Variants in ZFPM2 observed in about 807,000 individuals in gnomAD.
ZFPM2 encodes the protein zinc finger protein, FOG family member 2.
A neutral mutation model predicts 98.6 loss-of-function variants in ZFPM2; 20 were observed. That is an observed-to-expected ratio of 0.20 (90% CI 0.14 to 0.29). ZFPM2 has a LOEUF of 0.29. Ranked by LOEUF, ZFPM2 falls within the 10% of genes least tolerant of loss-of-function variation. ZFPM2 has a pLI of 1.00. For missense variants in ZFPM2, 1,310 were observed against 1,388.6 expected, an observed-to-expected ratio of 0.94 and a Z score of 0.90; for synonymous variants, 518 against 502.7, an observed-to-expected ratio of 1.03 and a Z score of -0.41.
At chr8:105,502,934 A>G (rs1586420748) in intron 3 of ZFPM2, among the ~76,000 whole-genome samples, 1 of 152,162 alleles carries the variant, frequency 6.6e-6, no homozygotes, top group Admixed American at 6.6e-5. Context: ...CATTAATAAG[A>G]CCAGTTATGT....
At chr8:105,765,537 T>G (rs1429968748) in intron 5 of ZFPM2, among the ~76,000 whole-genome samples, 1 of 151,832 alleles carries the variant, frequency 6.6e-6, no homozygotes, top group African/African-American at 2.4e-5. Context: ...CTAATGAAGC[T>G]TGTATGAATA....
At chr8:105,658,311 G>A (rs62525678) in intron 5 of ZFPM2, among the ~76,000 whole-genome samples, 30,336 of 63,826 alleles carry the variant, frequency 0.48, 10,567 homozygotes, top group Middle Eastern at 0.58. Context: ...GCAGACGGCC[G>A]GGCGCGGTGG....
intron 3 of ZFPM2, among the ~76,000 whole-genome samples, chr8:105,496,823 A>G (rs905848833): frequency 5.4e-4 from 81 of 149,540 alleles, no homozygotes; most frequent in African/African-American, 1.8e-3. Flanking sequence ...TCTCTACTAA[A>G]AATACAAAAT....
intron 1 of ZFPM2, among the ~76,000 whole-genome samples, chr8:105,339,328 G>A (rs967273028): frequency 3.3e-5 from 5 of 151,572 alleles, no homozygotes; most frequent in African/African-American, 1.2e-4. Flanking sequence ...AACACCAATA[G>A]CATGAAAAAT....
intron 3 of ZFPM2, among the ~76,000 whole-genome samples, chr8:105,472,993 A>C (rs6999472): frequency 0.02 from 3,048 of 151,076 alleles, 105 homozygotes; most frequent in African/African-American, 0.07. Flanking sequence ...ACCCTGGGCT[A>C]ATGTGATCTT....
chr8:105,442,150 G>A (rs374830929), intron 2 of ZFPM2, among the ~76,000 whole-genome samples: 8 of 150,998 alleles, frequency 5.3e-5, no homozygotes, highest in African/African-American at 7.3e-5. Context: ...TGGCTAACAC[G>A]GTGAAACCCC....
intron 1 of ZFPM2, among the ~76,000 whole-genome samples, chr8:105,346,134 C>G (rs1008822490): frequency 6.6e-6 from 1 of 152,056 alleles, no homozygotes; most frequent in African/African-American, 2.4e-5. Context: ...ACCTGTAATT[C>G]CAGCACTTTG....
chr8:105,480,982 C>T (rs1813104825), intron 3 of ZFPM2, among the ~76,000 whole-genome samples: 1 of 152,188 alleles, frequency 6.6e-6, no homozygotes, highest in South Asian at 2.1e-4. Context: ...GAACTCCTGA[C>T]CACGTGATCC....
At chr8:105,372,157 C>T (rs1810636758) in intron 1 of ZFPM2, among the ~76,000 whole-genome samples, 1 of 152,000 alleles carries the variant, frequency 6.6e-6, no homozygotes. Context: ...ATTCTCCTGC[C>T]TCAGCCTCCC....
intron 1 of ZFPM2, among the ~76,000 whole-genome samples, chr8:105,415,527 G>A (rs1811663601): frequency 6.6e-6 from 1 of 152,010 alleles, no homozygotes; most frequent in Non-Finnish European, 1.5e-5. Context: ...CAAATTATGT[G>A]TGGTGATTTT....
At chr8:105,341,172 C>T (rs1250671169) in intron 1 of ZFPM2, among the ~76,000 whole-genome samples, 2 of 151,892 alleles carry the variant, frequency 1.3e-5, no homozygotes, top group East Asian at 3.9e-4. Flanking sequence ...AGAACATACC[C>T]TCGTGGGGCT....
intron 3 of ZFPM2, among the ~76,000 whole-genome samples, chr8:105,542,506 AT>A (rs772475754): frequency 4.6e-5 from 7 of 152,118 alleles, no homozygotes; most frequent in Non-Finnish European, 1.0e-4. Flanking sequence ...GAGTTCCAGA[AT>A]TTTTTTCAAT....
At chr8:105,460,353 G>A (rs1040293093) in intron 3 of ZFPM2, among the ~76,000 whole-genome samples, 17 of 152,154 alleles carry the variant, frequency 1.1e-4, no homozygotes, top group Non-Finnish European at 1.8e-4. Flanking sequence ...AAGTTTACCC[G>A]AAGCTGACAA....
chr8:105,525,166 C>G (rs1445318216), intron 3 of ZFPM2, among the ~76,000 whole-genome samples: 1 of 152,170 alleles, frequency 6.6e-6, no homozygotes, highest in Non-Finnish European at 1.5e-5. Flanking sequence ...CAGACCGTCA[C>G]TAATATTTGG....
chr8:105,411,359 T>G (rs1811574019), intron 1 of ZFPM2, among the ~76,000 whole-genome samples: 1 of 151,792 alleles, frequency 6.6e-6, no homozygotes, highest in Non-Finnish European at 1.5e-5. Flanking sequence ...ATAAAGTTTG[T>G]CTCCTTAACT....
intron 1 of ZFPM2, among the ~76,000 whole-genome samples, chr8:105,360,638 A>G (rs568833413): frequency 9.1e-6 from 1 of 109,766 alleles, no homozygotes; most frequent in South Asian, 3.4e-4. Context: ...CCGACCCCAC[A>G]ACAGTCCCCA....
At chr8:105,450,185 C>T (rs1458343516) in intron 3 of ZFPM2, among the ~76,000 whole-genome samples, 1 of 152,052 alleles carries the variant, frequency 6.6e-6, no homozygotes, top group African/African-American at 2.4e-5. Context: ...GATGATCAGG[C>T]AAGTTCTGCT....
chr8:105,442,327 G>A (rs1395108070), intron 2 of ZFPM2, among the ~76,000 whole-genome samples: 1 of 152,152 alleles, frequency 6.6e-6, no homozygotes, highest in Non-Finnish European at 1.5e-5. Flanking sequence ...CTGGGTGACA[G>A]AGCGAGACTC....
intron 3 of ZFPM2, among the ~76,000 whole-genome samples, chr8:105,523,646 C>G (rs1009126092): frequency 1.3e-5 from 2 of 152,196 alleles, no homozygotes; most frequent in Non-Finnish European, 2.9e-5. Flanking sequence ...ACTGCACCCC[C>G]CTACCTCCGT....
Sources: allele counts gnomAD v4.1 joint callset (sites outside exome capture counted in the v4.1 genomes callset), GRCh38; gene constraint gnomAD v4.1.1; transcripts MANE v1.5; gene names NCBI Gene and HGNC (gene_info 2026-07-23, HGNC 2026-07-21).